The following MBTD1 variants were observed in gnomAD, a reference collection of about 807,000 sequenced individuals.
MBTD1 encodes the protein mbt domain containing 1.
Under a neutral mutation model 87.8 loss-of-function variants are expected in MBTD1, and 24 were observed. The observed-to-expected ratio is 0.27, with a 90% CI of 0.20 to 0.38. The LOEUF is 0.38. MBTD1 is among the 10% of genes least tolerant of loss of function. The probability of loss-of-function intolerance (pLI) is 1.00; values close to 1 mark genes in which losing one functional copy is unlikely to be tolerated. For synonymous variants in MBTD1, 237 were observed against 248.6 expected (o/e 0.95, Z 0.44); for missense variants, 436 against 760.2 (o/e 0.57, Z 5.02).
intron 3 of MBTD1, among the ~76,000 whole-genome samples, chr17:51,223,081 G>T (rs187178631): frequency 6.6e-6 from 1 of 151,904 alleles, no homozygotes; most frequent in Non-Finnish European, 1.5e-5. Context: ...TGGGATTACA[G>T]GCATGAGCCA....
At chr17:51,239,774 A>C (rs2143997852) in intron 2 of MBTD1, among the ~76,000 whole-genome samples, 1 of 152,280 alleles carries the variant, frequency 6.6e-6, no homozygotes, top group Non-Finnish European at 1.5e-5. Flanking sequence ...AAAAAACAAA[A>C]AAAAAATCCC....
Position 51,202,175 on chromosome 17 carries a change from T to C in MBTD1, c.1064-98A>G, listed in dbSNP as rs973176034. 4 of 729,662 alleles carry C rather than the reference T, an allele frequency of 5.5e-6. No homozygotes were observed. In the East Asian group the frequency reaches 1.0e-4, roughly 18 times the overall value. 45.2% of individuals were successfully genotyped at this position (729,662 alleles called of 1,614,324 possible). The stretch of plus-strand genomic sequence containing the variant: ...CAAACTCACAAAGTATGTCATACTA[T>C]AAAACATGGCAAGAAGACATGCCTT... On this transcript the variant is annotated intron_variant, in intron 10 of 16. Coordinates refer to ENST00000586178, the MANE Select transcript of MBTD1 (RefSeq NM_017643.3).
At chr17:51,245,587 C>T (rs1004838433) in intron 2 of MBTD1, among the ~76,000 whole-genome samples, 1 of 151,720 alleles carries the variant, frequency 6.6e-6, no homozygotes, top group Non-Finnish European at 1.5e-5. Context: ...TTCCAAATGG[C>T]TATCTAGTTG....
intron 12 of MBTD1, among the ~76,000 whole-genome samples, chr17:51,201,233 T>C (rs537962899): frequency 1.5e-4 from 23 of 152,204 alleles, no homozygotes; most frequent in African/African-American, 3.9e-4. Flanking sequence ...CAAAAACTAC[T>C]ACCAAAAGGA....
intron 12 of MBTD1, among the ~76,000 whole-genome samples, chr17:51,198,732 G>C (rs1308111733): frequency 1.3e-5 from 2 of 152,352 alleles, no homozygotes; most frequent in Admixed American, 1.3e-4. Flanking sequence ...CTGCAGGCAT[G>C]AGCCACCAAG....
At chr17:51,214,944 C>A (rs148660055) in intron 6 of MBTD1, among the ~76,000 whole-genome samples, 2 of 152,162 alleles carry the variant, frequency 1.3e-5, no homozygotes, top group Non-Finnish European at 2.9e-5. Flanking sequence ...TCGGAGGGGA[C>A]AACCAGGAAG....
At chr17:51,260,840 G>A (rs1414534596), upstream of MBTD1, 1 of 1,599,506 alleles carries the variant, frequency 6.3e-7, no homozygotes, top group Admixed American at 1.7e-5. Context: ...GGACAAACCG[G>A]CCGTGGAGCG....
Position 51,259,840 on chromosome 17 carries a change from C to T in MBTD1, c.-118G>A. The T allele has an allele frequency of 8.1e-7, 1 of 1,232,030 alleles. No homozygotes were observed. The highest frequency in any genetic ancestry group is 1.0e-6 in the Non-Finnish European group (1 of 987,944). 76.3% of individuals were successfully genotyped at this position (1,232,030 alleles called of 1,614,324 possible). A position where few individuals can be genotyped will look rare whatever the true frequency, so the allele number is the denominator to read the frequency against. ...CTGCCGCGCTCGGCTCTCACCAGAT[C>T]CTTTGTGTTTTCCATCAGGGCCTCA... On this transcript the variant is annotated 5_prime_UTR_variant, in exon 1 of 17. Transcript: ENST00000586178.
At chr17:51,228,272 T>C (rs1165849696) in intron 2 of MBTD1, among the ~76,000 whole-genome samples, 1 of 152,108 alleles carries the variant, frequency 6.6e-6, no homozygotes, top group African/African-American at 2.4e-5. Context: ...GAATGAGTAC[T>C]AGGCTACTAG....
intron 3 of MBTD1, 85 bp downstream of exon 3, chr17:51,224,923 G>C: frequency 1.2e-6 from 1 of 800,742 alleles, no homozygotes. Flanking sequence ...ATAATTCTAA[G>C]GAAGGGGAAA....
chr17:51,195,481 T>C, intron 12 of MBTD1, 120 bp from the exon 13 acceptor site: 2 of 683,632 alleles, frequency 2.9e-6, no homozygotes, highest in East Asian at 3.0e-5. Context: ...AAGTGAAACA[T>C]GCTTCTCTAT....
chr17:51,195,455 T>C (rs1389501574), intron 12 of MBTD1, 94 bp from the exon 13 acceptor site: 15 of 973,800 alleles, frequency 1.5e-5, no homozygotes, highest in Non-Finnish European at 2.2e-5. Flanking sequence ...AAATCTATTA[T>C]ATAAAGGTCT....
intron 2 of MBTD1, among the ~76,000 whole-genome samples, chr17:51,252,216 G>A (rs1196039909): frequency 6.6e-6 from 1 of 152,054 alleles, no homozygotes; most frequent in Non-Finnish European, 1.5e-5. Flanking sequence ...AGGAAGCAGT[G>A]GCCCAAATAG....
chr17:51,197,786 C>T (rs1460178537), intron 12 of MBTD1, among the ~76,000 whole-genome samples: 1 of 152,102 alleles, frequency 6.6e-6, no homozygotes, highest in Non-Finnish European at 1.5e-5. Flanking sequence ...GGATTACTGG[C>T]GTGAGCTACC....
chr17:51,195,680 A>G (rs934690512), intron 12 of MBTD1, among the ~76,000 whole-genome samples: 1 of 152,208 alleles, frequency 6.6e-6, no homozygotes, highest in African/African-American at 2.4e-5. Context: ...CTATTTACCT[A>G]TCTAGTTTCA....
chr17:51,260,063 C>T (rs1351824446), upstream of MBTD1: 2 of 395,730 alleles, frequency 5.1e-6, no homozygotes, highest in Non-Finnish European at 4.4e-6. Flanking sequence ...ATAGCCCTCC[C>T]TCCCCAGCGC....
chr17:51,251,296 T>C (rs1366126418), intron 2 of MBTD1: 2 of 152,226 alleles, frequency 1.3e-5, no homozygotes, highest in Non-Finnish European at 2.9e-5. Context: ...TCAGTTTTTT[T>C]CTTTTCCTGA....
intron 6 of MBTD1, among the ~76,000 whole-genome samples, chr17:51,209,617 C>T (rs2052052005): frequency 6.6e-6 from 1 of 152,208 alleles, no homozygotes. Context: ...TATTCAGACT[C>T]TCAGGAGGTT....
At chr17:51,230,659 C>T (rs1034115126) in intron 2 of MBTD1, among the ~76,000 whole-genome samples, 2 of 152,266 alleles carry the variant, frequency 1.3e-5, no homozygotes, top group African/African-American at 2.4e-5. Flanking sequence ...AAGTGCAAGA[C>T]GAGGGCTTTT....
Sources: allele counts gnomAD v4.1 joint callset (sites outside exome capture counted in the v4.1 genomes callset), GRCh38; gene constraint gnomAD v4.1.1; transcripts MANE v1.5; gene names NCBI Gene and HGNC (gene_info 2026-07-23, HGNC 2026-07-21).